The following CTPS2 variants were observed in gnomAD, a reference collection of about 807,000 sequenced individuals.
The protein encoded by CTPS2 is CTP synthase 2, also known as CTP synthase II.
A neutral mutation model predicts 46.8 loss-of-function variants in CTPS2; 19 were observed. That is an observed-to-expected ratio of 0.41 (90% CI 0.28 to 0.60). The LOEUF is 0.60. Among genes scored for constraint, CTPS2 ranks in the 20% least tolerant of loss-of-function variants. The pLI, the probability that CTPS2 is intolerant of heterozygous loss-of-function variation, is 0.35. For synonymous variants in CTPS2, 151 were observed against 165.2 expected, an observed-to-expected ratio of 0.91 and a Z score of 0.66; for missense variants, 286 against 447.6, an observed-to-expected ratio of 0.64 and a Z score of 3.26.
intron 13 of CTPS2, among the ~76,000 whole-genome samples, chrX:16,644,944 T>G (rs1932242033): frequency 8.9e-6 from 1 of 112,634 alleles, no homozygotes; most frequent in Non-Finnish European, 1.9e-5. Flanking sequence ...CAGTGTCAAG[T>G]TCAGATCAAG....
intron 16 of CTPS2, among the ~76,000 whole-genome samples, chrX:16,614,602 G>T (rs1456171677): frequency 1.8e-5 from 2 of 112,407 alleles, no homozygotes; most frequent in Non-Finnish European, 3.8e-5. Context: ...ACTCATCTCT[G>T]CCATGGTAGC....
intron 10 of CTPS2, among the ~76,000 whole-genome samples, chrX:16,676,469 T>TG (rs1321520791): frequency 3.6e-5 from 4 of 112,253 alleles, no homozygotes; most frequent in African/African-American, 1.3e-4. Flanking sequence ...AGATTCCTTA[T>TG]GGAATAAGGT....
At chrX:16,682,317 T>C (rs1352469005) in intron 9 of CTPS2, among the ~76,000 whole-genome samples, 1 of 111,590 alleles carries the variant, frequency 9.0e-6, no homozygotes, top group Non-Finnish European at 1.9e-5. Flanking sequence ...AAACCCCGTC[T>C]CTATTAAAAA....
chrX:16,687,866 G>A (rs1039581421), intron 8 of CTPS2, among the ~76,000 whole-genome samples: 3 of 111,355 alleles, frequency 2.7e-5, no homozygotes, highest in South Asian at 3.7e-4. Flanking sequence ...ATTATAGTAC[G>A]TGACTCAATG....
At chrX:16,664,121 C>T (rs1341764777) in intron 13 of CTPS2, among the ~76,000 whole-genome samples, 5 of 112,346 alleles carry the variant, frequency 4.5e-5, no homozygotes, top group Non-Finnish European at 7.5e-5. Flanking sequence ...TAGGCATGAG[C>T]CACTGCGCCC....
At chrX:16,671,628 C>T (rs1921764769) in intron 10 of CTPS2, among the ~76,000 whole-genome samples, 1 of 106,347 alleles carries the variant, frequency 9.4e-6, no homozygotes, top group Non-Finnish European at 1.9e-5. Flanking sequence ...AATTCTCCTG[C>T]CTCAGCCTCC....
intron 6 of CTPS2, among the ~76,000 whole-genome samples, chrX:16,692,065 G>A (rs1278025118): frequency 6.3e-5 from 7 of 111,663 alleles, no homozygotes; most frequent in Non-Finnish European, 1.3e-4. Context: ...AAACAGGCAA[G>A]CAAGTTGTGG....
At chrX:16,624,464 C>T (rs1434290863) in intron 14 of CTPS2, among the ~76,000 whole-genome samples, 1 of 112,012 alleles carries the variant, frequency 8.9e-6, no homozygotes, top group African/African-American at 3.2e-5. Flanking sequence ...GATTTGATTA[C>T]TCTCAGGAGA....
chrX:16,654,505 A>G (rs754899349), intron 13 of CTPS2: 3 of 1,142,891 alleles, frequency 2.6e-6, no homozygotes, highest in Admixed American at 4.5e-5. Context: ...AAGATATCCC[A>G]GTGAAGGAGA....
chrX:16,695,453 T>G (rs757867600), intron 4 of CTPS2, among the ~76,000 whole-genome samples: 1 of 112,682 alleles, frequency 8.9e-6, no homozygotes, highest in African/African-American at 3.2e-5. Context: ...TACTTTATGC[T>G]GAAATGGAAG....
chrX:16,604,512 T>G (rs1293400738), intron 17 of CTPS2, among the ~76,000 whole-genome samples: 1 of 111,562 alleles, frequency 9.0e-6, no homozygotes, highest in African/African-American at 3.3e-5. Context: ...CTGATCCTTC[T>G]CTCCTTACTT....
At chrX:16,603,416 AAAATAAATAAAT>A (rs3053010) in intron 17 of CTPS2, among the ~76,000 whole-genome samples, 1,348 of 88,503 alleles carry the variant, frequency 0.015, 20 homozygotes, top group African/African-American at 0.052. Context: ...ACTTGTCTCA[AAAATAAATAAAT>A]AAATAAATAA....
intron 17 of CTPS2, among the ~76,000 whole-genome samples, chrX:16,606,068 C>T (rs1317438250): frequency 8.9e-6 from 1 of 112,192 alleles, no homozygotes; most frequent in East Asian, 2.8e-4. Flanking sequence ...ATATTCTCCG[C>T]TAGGCAGAAT....
chrX:16,647,089 T>G (rs936064271), intron 13 of CTPS2, among the ~76,000 whole-genome samples: 1 of 110,751 alleles, frequency 9.0e-6, no homozygotes, highest in Non-Finnish European at 1.9e-5. Flanking sequence ...TTTACCCTCA[T>G]GCTTTTAAGT....
chrX:16,606,897 G>A (rs948914370), intron 17 of CTPS2, among the ~76,000 whole-genome samples: 1 of 112,065 alleles, frequency 8.9e-6, no homozygotes, highest in African/African-American at 3.2e-5. Context: ...TAGCAGCAGC[G>A]TGTGCCACCA....
intron 17 of CTPS2, among the ~76,000 whole-genome samples, chrX:16,596,341 C>G (rs1453874008): frequency 1.9e-5 from 2 of 103,618 alleles, no homozygotes; most frequent in Admixed American, 1.0e-4. Context: ...TCCCTCCCCC[C>G]TCCCCCTAAC....
At chrX:16,627,711 G>T (rs1396690087) in intron 14 of CTPS2, among the ~76,000 whole-genome samples, 2 of 111,892 alleles carry the variant, frequency 1.8e-5, no homozygotes, top group African/African-American at 6.5e-5. Flanking sequence ...CTGACTCAGT[G>T]CTTGTGTCTA....
intron 14 of CTPS2, among the ~76,000 whole-genome samples, chrX:16,633,323 G>A (rs959725636): frequency 2.7e-5 from 3 of 111,005 alleles, no homozygotes; most frequent in African/African-American, 9.8e-5. Context: ...GTTTGGACCA[G>A]AATTCAACAG....
chrX:16,649,213 G>C (rs1380676767), intron 13 of CTPS2, among the ~76,000 whole-genome samples: 1 of 112,009 alleles, frequency 8.9e-6, no homozygotes, highest in Non-Finnish European at 1.9e-5. Flanking sequence ...AAATATATTT[G>C]GTAAGGAAAA....
Sources: allele counts gnomAD v4.1 joint callset (sites outside exome capture counted in the v4.1 genomes callset), GRCh38; gene constraint gnomAD v4.1.1; transcripts MANE v1.5; gene names NCBI Gene and HGNC (gene_info 2026-07-23, HGNC 2026-07-21).